The following STAG1 variants were observed in gnomAD, a reference collection of about 807,000 sequenced individuals.
STAG1 encodes cohesin subunit SA-1.
In STAG1, 26 loss-of-function variants were observed where a neutral mutation model predicts 170.9. The observed-to-expected ratio is 0.15, with a 90% CI of 0.11 to 0.21. The LOEUF is 0.21. STAG1 is among the 10% of genes least tolerant of loss of function. STAG1 has a pLI of 1.00. For synonymous variants in STAG1, 514 were observed against 497.7 expected (o/e 1.03, Z -0.44); for missense variants, 964 against 1,509.5 (o/e 0.64, Z 5.99).
intron 7 of STAG1, among the ~76,000 whole-genome samples, chr3:136,516,769 A>T (rs973578527): frequency 6.6e-6 from 1 of 152,236 alleles, no homozygotes; most frequent in Admixed American, 6.5e-5. Flanking sequence ...AATGCCAAGC[A>T]TTGTCCCAAG....
At chr3:136,438,468 G>A (rs535919226) in intron 15 of STAG1, among the ~76,000 whole-genome samples, 48 of 152,024 alleles carry the variant, frequency 3.2e-4, no homozygotes, top group Middle Eastern at 3.4e-3. Flanking sequence ...CAAGTGATCC[G>A]CCCGCCTTGG....
intron 1 of STAG1, among the ~76,000 whole-genome samples, chr3:136,680,807 A>G (rs1445838251): frequency 6.6e-6 from 1 of 151,174 alleles, no homozygotes; most frequent in Admixed American, 6.6e-5. Flanking sequence ...TATTACATAT[A>G]CCTATATACG....
rs560868668 is a variant in STAG1, at chr3:136,399,980, T to C, written c.2197-1151A>G. The stretch of plus-strand genomic sequence containing the variant: ...CTTTGTCACTCAGGCTGGAGTGCAG[T>C]GGTGTGATCACGGCTCACTGCAGCC... On this transcript the variant is annotated intron_variant, in intron 21 of 33. Coordinates refer to ENST00000383202, the MANE Select transcript of STAG1 (RefSeq NM_005862.3). Among the ~76,000 whole-genome samples the C allele has an allele frequency of 1.4e-3, 209 of 152,210 alleles. 1 individual carries two copies. Among genetic ancestry groups the C allele is most frequent in the African/African-American group, 4.8e-3 (198 of 41,534 alleles).
In STAG1 at chr3:136,477,443, T is replaced by C. The variant is rs565091632; in HGVS notation, c.903-31A>G. On this transcript the variant is annotated intron_variant, in intron 9 of 33. Transcript: ENST00000383202. ...GAGAGAAAAAAAAGACAATCTCAAA[T>C]TAATATACAAAGCTAGAATGCATTC... is the stretch of plus-strand genomic sequence containing the variant. The C allele has an allele frequency of 5.7e-6, 9 of 1,571,662 alleles. No individual in the cohort carries two copies. In the South Asian group the frequency reaches 7.2e-5, roughly 13 times the overall value.
rs750035148 is a variant in STAG1, at chr3:136,551,165, C to CTTT, written c.395-8973_395-8971dup. On this transcript the variant is annotated intron_variant, in intron 5 of 33. Coordinates refer to ENST00000383202, the MANE Select transcript of STAG1 (RefSeq NM_005862.3). ...GTATCTACATAAATTTTTTTAACTC[C>CTTT]TTTTTTTTTTTTTTTGAGAGAGAGA... 3.0e-3 allele frequency among the ~76,000 whole-genome samples: 234 copies of CTTT among 79,124 alleles called. 10 individuals are homozygous for CTTT. Among genetic ancestry groups the CTTT allele is most frequent in the African/African-American group, 0.011 (222 of 20,446 alleles). 51.9% of individuals were successfully genotyped at this position (79,124 alleles called of 152,430 possible). A position where few individuals can be genotyped will look rare whatever the true frequency, so the allele number is the denominator to read the frequency against.
chr3:136,555,981 T>G (rs1936597224), intron 5 of STAG1, among the ~76,000 whole-genome samples: 1 of 152,232 alleles, frequency 6.6e-6, no homozygotes, highest in Middle Eastern at 3.4e-3. Flanking sequence ...CTAAGCAAGA[T>G]ACTAGCAAAC....
At chr3:136,492,562 T>C (rs1462564709) in intron 9 of STAG1, among the ~76,000 whole-genome samples, 1 of 152,190 alleles carries the variant, frequency 6.6e-6, no homozygotes. Context: ...AAATGATTTT[T>C]AGATGTTGGA....
intron 1 of STAG1, among the ~76,000 whole-genome samples, chr3:136,704,416 T>C (rs549103432): frequency 1.3e-5 from 2 of 152,044 alleles, no homozygotes; most frequent in South Asian, 4.2e-4. Context: ...CAAAGACACA[T>C]ATAACTTAAA....
At chr3:136,536,703 C>CAAA (rs11321017) in intron 6 of STAG1, among the ~76,000 whole-genome samples, 58 of 70,838 alleles carry the variant, frequency 8.2e-4, no homozygotes, top group East Asian at 7.3e-3. Flanking sequence ...ACTCAGTCTC[C>CAAA]AAAAAAAAAA....
Position 136,338,202 on chromosome 3 carries a change from G to C in STAG1, c.*52C>G. 7.9e-7 allele frequency: 1 copy of C among 1,270,704 alleles called. No individual in the cohort carries two copies. The highest frequency in any genetic ancestry group is 1.1e-6 in the Non-Finnish European group (1 of 873,730). The allele number at this position is 1,270,704 out of a possible 1,614,324, so 78.7% of individuals were successfully genotyped here. ...CCCATACAAGCTATCACAGTATATA[G>C]GCCTCTAGCTCTAAATAATAGAGTT... On this transcript the variant is annotated 3_prime_UTR_variant, in exon 34 of 34. Coordinates refer to ENST00000383202, the MANE Select transcript of STAG1 (RefSeq NM_005862.3).
intron 4 of STAG1, among the ~76,000 whole-genome samples, chr3:136,601,749 A>C (rs1459556752): frequency 6.6e-6 from 1 of 152,154 alleles, no homozygotes; most frequent in Non-Finnish European, 1.5e-5. Context: ...AGGCAGGAGA[A>C]TCGCTTGAAC....
chr3:136,621,651 T>A (rs887689203), intron 3 of STAG1, among the ~76,000 whole-genome samples: 1 of 152,170 alleles, frequency 6.6e-6, no homozygotes, highest in Non-Finnish European at 1.5e-5. Flanking sequence ...TAAAAGCAAG[T>A]GTATAGCAAA....
intron 6 of STAG1, among the ~76,000 whole-genome samples, chr3:136,528,711 A>G (rs537183830): frequency 3.3e-5 from 5 of 152,200 alleles, no homozygotes; most frequent in East Asian, 1.9e-4. Flanking sequence ...CCAGCTCGGG[A>G]GGCTGAGGTG....
At chr3:136,608,839 G>C (rs949412524) in intron 3 of STAG1, among the ~76,000 whole-genome samples, 2 of 147,384 alleles carry the variant, frequency 1.4e-5, no homozygotes, top group Non-Finnish European at 3.0e-5. Context: ...ACTATGTTTT[G>C]CTCGTTGCTA....
chr3:136,377,074 G>A (rs1255120785), intron 23 of STAG1, among the ~76,000 whole-genome samples: 1 of 149,638 alleles, frequency 6.7e-6, no homozygotes, highest in Non-Finnish European at 1.5e-5. Context: ...ACTGCGCCCG[G>A]CCATTCTGGT....
chr3:136,410,068 T>TAAAA (rs766763989), intron 21 of STAG1, among the ~76,000 whole-genome samples: 45 of 93,056 alleles, frequency 4.8e-4, no homozygotes, highest in African/African-American at 1.9e-3. Context: ...AGTCCTTGTC[T>TAAAA]AAAAAAAAAA....
chr3:136,746,041 A>G (rs1243793906), intron 1 of STAG1, among the ~76,000 whole-genome samples: 2 of 152,206 alleles, frequency 1.3e-5, no homozygotes, highest in African/African-American at 2.4e-5. Flanking sequence ...GAATTATAAG[A>G]CACTTTCAGC....
chr3:136,363,910 C>G (rs375205974), intron 25 of STAG1, among the ~76,000 whole-genome samples: 23 of 151,966 alleles, frequency 1.5e-4, no homozygotes, highest in African/African-American at 5.6e-4. Flanking sequence ...TGTGCCACCA[C>G]GCCTGGCTAA....
At position 136,498,257 on chromosome 3, in the gene STAG1, C is replaced by CACACACACATACATATACAT. The variant is rs1559841902; in HGVS notation, c.902+1965_902+1966insATGTATATGTATGTGTGTGT. ...ATACACATACATATACATACACACACACACACACACACACACCACACACAC... is the reference window on the plus strand; with the variant it reads ...ATACACATACATATACATACACACACACACACACATACATATACATACACACACACACACACCACACACAC... On this transcript the variant is annotated intron_variant, in intron 9 of 33. Coordinates refer to ENST00000383202, the MANE Select transcript of STAG1 (RefSeq NM_005862.3). Among the ~76,000 whole-genome samples, 102 of 83,650 alleles carry CACACACACATACATATACAT rather than the reference C, an allele frequency of 1.2e-3. 3 individuals carry two copies. Among genetic ancestry groups the CACACACACATACATATACAT allele is most frequent in the African/African-American group, 5.7e-3 (91 of 15,926 alleles). 54.9% of individuals were successfully genotyped at this position (83,650 alleles called of 152,430 possible).
Sources: gnomAD v4.1 joint callset for allele counts (sites outside exome capture counted in the v4.1 genomes callset) on GRCh38, gnomAD v4.1.1 for gene constraint, MANE v1.5 for transcripts, NCBI Gene and HGNC (gene_info 2026-07-23, HGNC 2026-07-21) for gene names.